TTC28: variants seen among roughly 807,000 people sequenced by gnomAD.
TTC28 encodes tetratricopeptide repeat domain 28.
In TTC28, 61 loss-of-function variants were observed where a neutral mutation model predicts 198.0. The observed-to-expected ratio is 0.31, with a 90% CI of 0.25 to 0.38. The LOEUF (loss-of-function observed/expected upper bound fraction) is 0.38. Among genes scored for constraint, TTC28 ranks in the 10% least tolerant of loss-of-function variants. The pLI, the probability that TTC28 is intolerant of heterozygous loss-of-function variation, is 1.00. For missense variants in TTC28, 2,678 were observed against 3,164.0 expected (o/e 0.85, Z 3.69); for synonymous variants, 1,171 against 1,297.8 (o/e 0.90, Z 2.10).
chr22:28,039,177 C>T (rs1462970849), intron 12 of TTC28, among the ~76,000 whole-genome samples: 1 of 152,146 alleles, frequency 6.6e-6, no homozygotes, highest in Non-Finnish European at 1.5e-5. Flanking sequence ...TGGGTATATA[C>T]CCAAAGGATT....
At chr22:28,548,310 C>A (rs2049586841) in intron 2 of TTC28, among the ~76,000 whole-genome samples, 1 of 152,152 alleles carries the variant, frequency 6.6e-6, no homozygotes, top group Admixed American at 6.6e-5. Context: ...AAGAAATAAT[C>A]AATTCATTCT....
Position 27,983,675 on chromosome 22 carries a change from T to C in TTC28, c.5992A>G (p.Ile1998Val). Residue 1998 changes from isoleucine to valine, a missense_variant, in exon 23 of 23, where the codon ATT becomes GTT. Physicochemically the swap from Ile to Val is conservative, Grantham distance 29. Around this residue, in one of 8 missense-constraint regions of TTC28, gnomAD observed 622 missense variants for 656.0 expected, o/e 0.95. Transcript: ENST00000397906. ...GAGACAAAGCTCATTGAGGAGGCAA[T>C]GGAGCTCAGACTGTACACAGAGATG... ...DAISVYSLSS[I>V]ASSMSFVSKP... 1.3e-6 allele frequency: 2 copies of C among 1,547,066 alleles called. No individual in the cohort carries two copies. Among genetic ancestry groups the C allele is most frequent in the South Asian group, 1.2e-5 (1 of 83,312 alleles).
intron 5 of TTC28, among the ~76,000 whole-genome samples, chr22:28,216,058 G>C (rs1927373823): frequency 6.6e-6 from 1 of 152,142 alleles, no homozygotes; most frequent in Non-Finnish European, 1.5e-5. Context: ...AGGCATTTGA[G>C]ACACAATTGC....
chr22:28,361,285 C>G (rs2046155113), intron 2 of TTC28, among the ~76,000 whole-genome samples: 1 of 152,046 alleles, frequency 6.6e-6, no homozygotes, highest in African/African-American at 2.4e-5. Context: ...GTTATGAATG[C>G]AAAGGAAGAG....
rs1284032718 is a variant in TTC28, at chr22:28,199,586, GTGTA to G, written c.934-35991_934-35988del. On this transcript the variant is annotated intron_variant, in intron 5 of 22. Coordinates refer to ENST00000397906, the MANE Select transcript of TTC28 (RefSeq NM_001145418.2). ...TAAATTATTTGTGTGCATGTGCACT[GTGTA>G]TGTGTATGTGTATGTGTATGTGTAT... Among the ~76,000 whole-genome samples, 755 of 122,434 alleles carry G rather than the reference GTGTA, an allele frequency of 6.2e-3. 19 individuals carry two copies. Among genetic ancestry groups the G allele is most frequent in the African/African-American group, 0.022 (710 of 31,922 alleles). 80.3% of individuals were successfully genotyped at this position (122,434 alleles called of 152,430 possible). A position where few individuals can be genotyped will look rare whatever the true frequency, so the allele number is the denominator to read the frequency against.
intron 1 of TTC28, among the ~76,000 whole-genome samples, chr22:28,672,123 T>G (rs1307405282): frequency 1.3e-5 from 2 of 151,928 alleles, no homozygotes; most frequent in Non-Finnish European, 2.9e-5. Context: ...GCCTCCTGAG[T>G]TCAAGTGATT....
rs1295979516 is a variant in TTC28 at position 27,996,268 on chromosome 22, A to G, written c.5120-9T>C. ...CCCGATGAGCATGAACCCTGCAGAA[A>G]GCAAAGGAGGGCACCTCAGCAGGGC... On this transcript the variant is annotated splice_polypyrimidine_tract_variant and intron_variant, in intron 16 of 22. Coordinates refer to ENST00000397906, the MANE Select transcript of TTC28 (RefSeq NM_001145418.2). 20 of 1,550,068 alleles carry G rather than the reference A, an allele frequency of 1.3e-5. No individual in the cohort carries two copies. The highest frequency in any genetic ancestry group is 1.7e-5 in the Non-Finnish European group (20 of 1,146,618).
chr22:28,463,055 G>T (rs1342210436), intron 2 of TTC28, among the ~76,000 whole-genome samples: 1 of 152,188 alleles, frequency 6.6e-6, no homozygotes, highest in Non-Finnish European at 1.5e-5. Flanking sequence ...CAGATGGCTT[G>T]GGACATCTTC....
chr22:28,345,928 C>A (rs999657453), intron 2 of TTC28, among the ~76,000 whole-genome samples: 1 of 152,076 alleles, frequency 6.6e-6, no homozygotes, highest in African/African-American at 2.4e-5. Context: ...CTATAAGTAA[C>A]CTGAATCAGT....
intron 13 of TTC28, among the ~76,000 whole-genome samples, chr22:28,024,881 G>A (rs1039335291): frequency 2.0e-5 from 3 of 152,210 alleles, no homozygotes; most frequent in Admixed American, 1.3e-4. Context: ...GCCATGGCAT[G>A]CTCTACATGC....
chr22:28,354,439 T>C (rs528611638), intron 2 of TTC28, among the ~76,000 whole-genome samples: 1 of 152,258 alleles, frequency 6.6e-6, no homozygotes, highest in East Asian at 1.9e-4. Flanking sequence ...GACAAATATT[T>C]TATAGTTTCC....
At chr22:28,336,671 G>A (rs1166937256) in intron 2 of TTC28, among the ~76,000 whole-genome samples, 5 of 151,874 alleles carry the variant, frequency 3.3e-5, no homozygotes, top group Admixed American at 1.3e-4. Context: ...TATTTCTGTG[G>A]TATCGGTGGT....
intron 5 of TTC28, among the ~76,000 whole-genome samples, chr22:28,289,112 T>C (rs2044740206): frequency 6.6e-6 from 1 of 152,072 alleles, no homozygotes; most frequent in South Asian, 2.1e-4. Context: ...AGATTTCTAA[T>C]ACAGAAGAAG....
chr22:28,073,517 CA>C (rs1187343695), intron 12 of TTC28, among the ~76,000 whole-genome samples: 1 of 151,870 alleles, frequency 6.6e-6, no homozygotes, highest in Non-Finnish European at 1.5e-5. Context: ...AAGATATAAG[CA>C]AAAAAATGGT....
chr22:28,583,777 C>T (rs776607474), intron 2 of TTC28, among the ~76,000 whole-genome samples: 1 of 152,034 alleles, frequency 6.6e-6, no homozygotes, highest in Non-Finnish European at 1.5e-5. Flanking sequence ...CTGGAGATGA[C>T]TATTTACAGA....
At chr22:28,505,785 G>A (rs2048603547) in intron 2 of TTC28, among the ~76,000 whole-genome samples, 1 of 152,192 alleles carries the variant, frequency 6.6e-6, no homozygotes, top group Admixed American at 6.5e-5. Context: ...GTGTCACTCT[G>A]CAGGCCCCAC....
chr22:28,625,414 T>C lies in TTC28; in HGVS notation c.381+4138A>G, dbSNP rs538019101. ...ACATTGTATTTCTATAGATTCTCAA[T>C]AGAAAGTTAGAAGATAAAGTTATTC... On this transcript the variant is annotated intron_variant, in intron 2 of 22. Coordinates refer to ENST00000397906, the MANE Select transcript of TTC28 (RefSeq NM_001145418.2). Among the ~76,000 whole-genome samples the C allele has an allele frequency of 1.2e-4, 18 of 152,168 alleles. No individual in the cohort carries two copies. The South Asian group carries it at 3.7e-3, about 32-fold the overall frequency.
In TTC28 at chr22:28,060,249, C is replaced by T. The variant is rs1213012212; in HGVS notation, c.3933-29883G>A. Among the ~76,000 whole-genome samples, 4 of 152,258 alleles carry T rather than the reference C, an allele frequency of 2.6e-5. No individual in the cohort carries two copies. In the East Asian group the frequency reaches 7.7e-4, roughly 29 times the overall value. On this transcript the variant is annotated intron_variant, in intron 12 of 22. Transcript: ENST00000397906. ...TCTCCTAATGCTATCCTTCCCCCAT[C>T]CCCCAACCCCACGACAGGCTCCGGT...
chr22:28,297,488 T>C (rs2044923908), intron 4 of TTC28, 92 bp downstream of exon 4: 3 of 1,409,472 alleles, frequency 2.1e-6, no homozygotes, highest in Admixed American at 2.4e-5. Flanking sequence ...AACCAGGCGA[T>C]CACTTTTCAT....
Sources: allele counts gnomAD v4.1 joint callset (sites outside exome capture counted in the v4.1 genomes callset), GRCh38; gene constraint gnomAD v4.1.1; regional missense constraint gnomAD v4.1.1; transcripts MANE v1.5; gene names NCBI Gene and HGNC (gene_info 2026-07-23, HGNC 2026-07-21).